EPB42: variants seen among roughly 807,000 people sequenced by gnomAD.
The protein encoded by EPB42 is erythrocyte membrane protein band 4.2.
EPB42 carries 49 observed loss-of-function variants against 76.9 expected under a neutral mutation model. The ratio of observed to expected loss-of-function variants is 0.64; its 90% confidence interval spans 0.51 to 0.81. The LOEUF is 0.81. Among genes scored for constraint, EPB42 ranks in the 30% least tolerant of loss-of-function variants. The pLI, the probability that EPB42 is intolerant of heterozygous loss-of-function variation, is 0.00. For synonymous variants in EPB42, 310 were observed against 338.4 expected (o/e 0.92, Z 0.92); for missense variants, 731 against 867.6 (o/e 0.84, Z 1.98).
At position 43,207,540 on chromosome 15, in the gene EPB42, C is replaced by A. The variant is rs2042224697; in HGVS notation, c.1076-99G>T. 1.9e-6 allele frequency: 3 copies of A among 1,581,516 alleles called. No individual in the cohort carries two copies. In the Admixed American group the frequency reaches 5.1e-5, roughly 27 times the overall value. ...AGTCCCCATCCTCTAGCCTATTTTCCCTCCACGAGGACCAAGGTCAGAGGT... is the reference window on the plus strand; with the variant it reads ...AGTCCCCATCCTCTAGCCTATTTTCACTCCACGAGGACCAAGGTCAGAGGT... On this transcript the variant is annotated intron_variant, in intron 8 of 12. Transcript: ENST00000441366.
Position 43,206,120 on chromosome 15 carries a change from G to T in EPB42, c.1618+210C>A. ...CTACGAAGGGTCTGTTTACTTATCT[G>T]ACTGCAGTTGGCATCGTGTTTTTTT... On this transcript the variant is annotated intron_variant, in intron 10 of 12. Coordinates refer to ENST00000441366, the MANE Select transcript of EPB42 (RefSeq NM_001114134.2). The surrounding 1 kb of genome is among the most constrained non-coding windows in gnomAD (Gnocchi z 4.7). The T allele has an allele frequency of 1.8e-6, 1 of 563,830 alleles. No homozygotes were observed. The highest frequency in any genetic ancestry group is 3.1e-6 in the Non-Finnish European group (1 of 322,334). The allele number at this position is 563,830 out of a possible 1,614,324, so 34.9% of individuals were successfully genotyped here.
intron 2 of EPB42, among the ~76,000 whole-genome samples, chr15:43,215,845 C>G (rs546995979): frequency 5.3e-5 from 8 of 152,310 alleles, no homozygotes; most frequent in African/African-American, 1.7e-4. Flanking sequence ...TATAGGCCAC[C>G]ATGCCTGGCT....
intron 1 of EPB42, among the ~76,000 whole-genome samples, chr15:43,219,040 T>C (rs1469069059): frequency 2.0e-5 from 3 of 152,164 alleles, no homozygotes; most frequent in African/African-American, 4.8e-5. Flanking sequence ...CCTCAAGCAG[T>C]TCTGTGTTTA....
chr15:43,220,259 G>T (rs2042437427), intron 1 of EPB42, among the ~76,000 whole-genome samples: 2 of 152,004 alleles, frequency 1.3e-5, no homozygotes, highest in Non-Finnish European at 2.9e-5. Context: ...TGCCAAGAGT[G>T]CTGCGACTCT....
Position 43,206,710 on chromosome 15 carries a change from T to C in EPB42, c.1319-81A>G. 6.5e-7 allele frequency: 1 copy of C among 1,532,408 alleles called. No individual in the cohort carries two copies. The highest frequency in any genetic ancestry group is 9.0e-7 in the Non-Finnish European group (1 of 1,115,334). 94.9% of individuals were successfully genotyped at this position (1,532,408 alleles called of 1,614,324 possible). Reference sequence around the variant, plus strand: ...AATAAAACCCTGGGAATCAAAACCATTTACCCACTTCTGCTCAAATGCCAA... The same window carrying C: ...AATAAAACCCTGGGAATCAAAACCACTTACCCACTTCTGCTCAAATGCCAA... On this transcript the variant is annotated intron_variant, in intron 9 of 12. Coordinates refer to ENST00000441366, the MANE Select transcript of EPB42 (RefSeq NM_001114134.2). This position sits in a 1 kb window ranked among gnomAD's most constrained non-coding sequence, Gnocchi z 4.7.
chr15:43,204,465 C>T (rs2142272238), intron 10 of EPB42, among the ~76,000 whole-genome samples: 1 of 152,222 alleles, frequency 6.6e-6, no homozygotes, highest in African/African-American at 2.4e-5. Context: ...AGCTCCAGCC[C>T]AGAACTTTAT....
Position 43,216,442 on chromosome 15 carries a change from T to G in EPB42, c.22A>C (p.Lys8Gln), listed in dbSNP as rs1326545158. The G allele has an allele frequency of 6.2e-7, 1 of 1,614,174 alleles. No individual in the cohort carries two copies. Among genetic ancestry groups the G allele is most frequent in the East Asian group, 2.2e-5 (1 of 44,890 alleles). ...CTTGCTGCCTGAAAGTCACAGCTCT[T>G]GATACCCAGGGCTGTTGTGGGAAAG... MGQALGI[K>Q]SCDFQAARNN... The change falls in exon 2 of 13, where the codon AAG becomes CAG. Residue 8 changes from lysine to glutamine, a missense_variant. Lys to Gln is a moderately conservative substitution (Grantham distance 53, BLOSUM62 1). Transcript: ENST00000441366.
upstream of EPB42, among the ~76,000 whole-genome samples, chr15:43,221,529 A>G (rs903857210): frequency 1.3e-5 from 2 of 152,188 alleles, no homozygotes; most frequent in Non-Finnish European, 2.9e-5. Flanking sequence ...CTCAGGCCCT[A>G]TGTCTTTTCA....
chr15:43,208,643 C>T lies in EPB42; in HGVS notation c.965G>A (p.Arg322Lys). ...TCTCCCTTGGGCTTCTCACCAGATT[C>T]TGCCTCTCTGGCCTTCTCCGTTCTG... is the stretch of plus-strand genomic sequence containing the variant. ...GLQNGEGQRG[R>K]IWIFQTSTEC... Residue 322 changes from arginine (R) to lysine (K), a missense_variant, in exon 7 of 13, where the codon AGA becomes AAA. Coordinates refer to ENST00000441366, the MANE Select transcript of EPB42 (RefSeq NM_001114134.2). 1 of 1,614,152 alleles carries T rather than the reference C, an allele frequency of 6.2e-7. No homozygotes were observed. Among genetic ancestry groups the T allele is most frequent in the Non-Finnish European group, 8.5e-7 (1 of 1,180,006 alleles).
upstream of EPB42, chr15:43,221,032 T>G (rs1435238340): frequency 3.3e-6 from 2 of 601,660 alleles, no homozygotes; most frequent in East Asian, 3.0e-5. Context: ...CCCTCTCTGC[T>G]GGTATCTCCT....
At chr15:43,211,869 C>T (rs1246155382) in intron 3 of EPB42, among the ~76,000 whole-genome samples, 2 of 151,268 alleles carry the variant, frequency 1.3e-5, no homozygotes, top group African/African-American at 4.9e-5. Context: ...AGTTCGAGAC[C>T]AGCCTGGGCA....
chr15:43,214,090 T>C (rs1388929191), intron 3 of EPB42, among the ~76,000 whole-genome samples: 1 of 152,262 alleles, frequency 6.6e-6, no homozygotes, highest in Non-Finnish European at 1.5e-5. Flanking sequence ...TGTACTCGTT[T>C]GATGTTGTAA....
chr15:43,221,121 T>G, upstream of EPB42: 12 of 410,392 alleles, frequency 2.9e-5, no homozygotes, highest in East Asian at 1.1e-4. Flanking sequence ...CTGGCAGCCC[T>G]GGGGGAGGGG....
At chr15:43,221,382 T>A (rs1023177062), upstream of EPB42, among the ~76,000 whole-genome samples, 1 of 152,204 alleles carries the variant, frequency 6.6e-6, no homozygotes, top group Non-Finnish European at 1.5e-5. Context: ...CTGCAATTTA[T>A]CTGTGTGAAA....
chr15:43,214,685 G>A (rs990363306), intron 3 of EPB42, among the ~76,000 whole-genome samples: 2 of 152,036 alleles, frequency 1.3e-5, no homozygotes, highest in South Asian at 2.1e-4. Flanking sequence ...CAGAATAGCC[G>A]GGGAGAGAGA....
At chr15:43,223,599 TAA>T (rs958648572), upstream of EPB42, among the ~76,000 whole-genome samples, 2 of 152,232 alleles carry the variant, frequency 1.3e-5, no homozygotes, top group Non-Finnish European at 2.9e-5. Context: ...TTGGCAAAGA[TAA>T]AAGAGTTTGA....
At chr15:43,219,512 T>C (rs1169381626) in intron 1 of EPB42, among the ~76,000 whole-genome samples, 3 of 152,220 alleles carry the variant, frequency 2.0e-5, no homozygotes, top group Non-Finnish European at 4.4e-5. Context: ...TGGTGGCTAC[T>C]GGGCCCTCTG....
intron 3 of EPB42, among the ~76,000 whole-genome samples, chr15:43,213,554 C>T (rs1050213430): frequency 1.1e-4 from 16 of 152,162 alleles, no homozygotes; most frequent in African/African-American, 3.6e-4. Context: ...GCACCCTGAG[C>T]CAAGCACTGT....
At chr15:43,221,837 A>C (rs2042463687), upstream of EPB42, among the ~76,000 whole-genome samples, 1 of 151,552 alleles carries the variant, frequency 6.6e-6, no homozygotes, top group Non-Finnish European at 1.5e-5. Context: ...AAAAAAAAAA[A>C]AAAAAAAATG....
Sources: allele counts gnomAD v4.1 joint callset (sites outside exome capture counted in the v4.1 genomes callset), GRCh38; gene constraint gnomAD v4.1.1; non-coding constraint Gnocchi (gnomAD v3.1); transcripts MANE v1.5; gene names NCBI Gene and HGNC (gene_info 2026-07-23, HGNC 2026-07-21).